Variants in CDK7 observed in about 807,000 individuals in gnomAD.
CDK7 encodes cyclin dependent kinase 7.
Under a neutral mutation model 49.1 loss-of-function variants are expected in CDK7, and 25 were observed. The observed-to-expected ratio is 0.51, with a 90% CI of 0.37 to 0.71. The LOEUF (loss-of-function observed/expected upper bound fraction) is 0.71. Among genes scored for constraint, CDK7 ranks in the 30% least tolerant of loss-of-function variants. The probability of loss-of-function intolerance (pLI) is 0.00; values close to 1 mark genes in which losing one functional copy is unlikely to be tolerated. For missense variants in CDK7, 316 were observed against 411.7 expected (o/e 0.77, Z 2.01); for synonymous variants, 107 against 140.0 (o/e 0.76, Z 1.67).
chr5:69,242,395 G>A (rs1749453745), intron 2 of CDK7, among the ~76,000 whole-genome samples: 1 of 152,154 alleles, frequency 6.6e-6, no homozygotes, highest in African/African-American at 2.4e-5. Flanking sequence ...CACAGAACCA[G>A]TTGAGTCAGT....
At chr5:69,263,889 T>C (rs1750985392) in intron 8 of CDK7, among the ~76,000 whole-genome samples, 1 of 152,218 alleles carries the variant, frequency 6.6e-6, no homozygotes, top group Non-Finnish European at 1.5e-5. Context: ...TACTTGGAAA[T>C]TTATTAGCCA....
chr5:69,254,279 T>G (rs1750337384), intron 3 of CDK7, among the ~76,000 whole-genome samples: 1 of 152,084 alleles, frequency 6.6e-6, no homozygotes, highest in Non-Finnish European at 1.5e-5. Context: ...ATCCCAGCAC[T>G]TCAGGAGGCC....
chr5:69,249,763 T>C (rs1750018163), intron 2 of CDK7, among the ~76,000 whole-genome samples: 1 of 152,140 alleles, frequency 6.6e-6, no homozygotes. Flanking sequence ...GAAGAATTGC[T>C]TGAACCCAGG....
At chr5:69,257,839 C>G (rs1344567688) in intron 5 of CDK7, among the ~76,000 whole-genome samples, 1 of 152,234 alleles carries the variant, frequency 6.6e-6, no homozygotes, top group African/African-American at 2.4e-5. Flanking sequence ...GAGGACAAAG[C>G]ACTGCTTTCT....
At chr5:69,240,943 G>A (rs1448272028) in intron 2 of CDK7, among the ~76,000 whole-genome samples, 1 of 151,882 alleles carries the variant, frequency 6.6e-6, no homozygotes, top group Non-Finnish European at 1.5e-5. Flanking sequence ...ATTTTTGAAT[G>A]GTACTCTTTG....
At chr5:69,242,648 A>G (rs1749468332) in intron 2 of CDK7, among the ~76,000 whole-genome samples, 1 of 152,238 alleles carries the variant, frequency 6.6e-6, no homozygotes. Context: ...ATTTTGGGAA[A>G]GGACTGTTAA....
chr5:69,262,008 A>G (rs570447003), intron 7 of CDK7, among the ~76,000 whole-genome samples, 197 bp from the exon 8 acceptor site: 4 of 152,310 alleles, frequency 2.6e-5, no homozygotes, highest in East Asian at 1.9e-4. Context: ...GTAGAAAACA[A>G]AAGACTGCTG....
At chr5:69,236,130 A>T (rs1194287656) in intron 2 of CDK7, among the ~76,000 whole-genome samples, 1 of 151,662 alleles carries the variant, frequency 6.6e-6, no homozygotes, top group Non-Finnish European at 1.5e-5. Context: ...AATCCCAGCT[A>T]CTCGGGAGGC....
Position 69,258,169 on chromosome 5 carries a change from T to C in CDK7, c.408+16T>C, listed in dbSNP as rs780066068. 1 of 1,236,952 alleles carries C rather than the reference T, an allele frequency of 8.1e-7. No homozygotes were observed. The highest frequency in any genetic ancestry group is 1.1e-6 in the Non-Finnish European group (1 of 871,272). The allele number at this position is 1,236,952 out of a possible 1,614,324, so 76.6% of individuals were successfully genotyped here. A position where few individuals can be genotyped will look rare whatever the true frequency, so the allele number is the denominator to read the frequency against. On this transcript the variant is annotated intron_variant, in intron 6 of 11. Coordinates refer to ENST00000256443, the MANE Select transcript of CDK7 (RefSeq NM_001799.4). ...CCTACATAGGGTAAGGTTTTTAATA[T>C]TGCTTCTTTATACTAGTCAAGTTTT...
chr5:69,254,391 G>A (rs543860610), intron 3 of CDK7, among the ~76,000 whole-genome samples: 20 of 151,834 alleles, frequency 1.3e-4, no homozygotes, highest in East Asian at 1.2e-3. Context: ...GCGTGGTGGC[G>A]CGTGCCTGTA....
chr5:69,254,043 T>G (rs1187721598), intron 3 of CDK7, among the ~76,000 whole-genome samples: 3 of 152,142 alleles, frequency 2.0e-5, no homozygotes, highest in African/African-American at 7.2e-5. Context: ...GAGGCTGCTG[T>G]GAGCCGAGAT....
intron 2 of CDK7, among the ~76,000 whole-genome samples, chr5:69,245,543 A>T (rs1337638388): frequency 6.6e-6 from 1 of 150,826 alleles, no homozygotes; most frequent in African/African-American, 2.4e-5. Flanking sequence ...GTTTCACTAT[A>T]TTGCCCAGGC....
At chr5:69,274,523 C>G (rs1579881663) in intron 10 of CDK7, among the ~76,000 whole-genome samples, 1 of 152,246 alleles carries the variant, frequency 6.6e-6, no homozygotes, top group Middle Eastern at 3.4e-3. Context: ...TAAGGAATCT[C>G]TAAATTACTG....
chr5:69,246,106 T>G (rs898460187), intron 2 of CDK7, among the ~76,000 whole-genome samples: 1 of 152,054 alleles, frequency 6.6e-6, no homozygotes, highest in Non-Finnish European at 1.5e-5. Context: ...GAGAGATTTT[T>G]TTTTCTAGAG....
intron 8 of CDK7, among the ~76,000 whole-genome samples, chr5:69,267,292 CTTT>C (rs71612523): frequency 8.3e-4 from 76 of 91,074 alleles, no homozygotes; most frequent in African/African-American, 2.9e-3. Flanking sequence ...ATAAGGATTC[CTTT>C]TTTTTTTTTT....
chr5:69,246,293 C>T (rs1366754792), intron 2 of CDK7, among the ~76,000 whole-genome samples: 4 of 152,048 alleles, frequency 2.6e-5, no homozygotes, highest in South Asian at 2.1e-4. Flanking sequence ...CATGCCACCA[C>T]GCCTGGCCGA....
chr5:69,241,847 T>C (rs1388980355), intron 2 of CDK7, among the ~76,000 whole-genome samples: 1 of 152,204 alleles, frequency 6.6e-6, no homozygotes, highest in Non-Finnish European at 1.5e-5. Context: ...ATATTTTCTC[T>C]CATTCTGTGG....
intron 10 of CDK7, among the ~76,000 whole-genome samples, chr5:69,273,612 T>A (rs1034445037): frequency 7.2e-5 from 11 of 152,080 alleles, no homozygotes; most frequent in Non-Finnish European, 1.5e-4. Context: ...TTAAAGGAAA[T>A]AACAAACTCA....
intron 2 of CDK7, among the ~76,000 whole-genome samples, chr5:69,239,789 G>A (rs2930951): frequency 1.3e-5 from 2 of 151,634 alleles, no homozygotes; most frequent in African/African-American, 4.8e-5. Context: ...TTCTGTACTT[G>A]TAAAATTTTT....
Sources: allele counts gnomAD v4.1 joint callset (sites outside exome capture counted in the v4.1 genomes callset), GRCh38; gene constraint gnomAD v4.1.1; transcripts MANE v1.5; gene names NCBI Gene and HGNC (gene_info 2026-07-23, HGNC 2026-07-21).